Variants in PRDM5 observed in about 807,000 individuals in gnomAD.
The protein encoded by PRDM5 is PR domain zinc finger protein 5.
In PRDM5, 56 loss-of-function variants were observed where a neutral mutation model predicts 81.2. That is an observed-to-expected ratio of 0.69 (90% CI 0.56 to 0.86). PRDM5 has a LOEUF of 0.86. Among genes scored for constraint, PRDM5 ranks in the 40% least tolerant of loss-of-function variants. PRDM5 has a pLI of 0.00. For missense variants in PRDM5, 697 were observed against 770.1 expected, an observed-to-expected ratio of 0.91 and a Z score of 1.12; for synonymous variants, 267 against 256.4, an observed-to-expected ratio of 1.04 and a Z score of -0.39.
At position 120,830,285 on chromosome 4, in the gene PRDM5, G is replaced by C. The variant is rs546584595; in HGVS notation, c.301-8940C>G. Among the ~76,000 whole-genome samples the C allele has an allele frequency of 2.6e-5, 4 of 152,126 alleles. No homozygotes were observed. In the South Asian group the frequency reaches 8.3e-4, roughly 32 times the overall value. On this transcript the variant is annotated intron_variant, in intron 3 of 15. Transcript: ENST00000264808. ...TTTGGCCGGGTGACTTGCACTAACC[G>C]ATGAAATGTGAACAGAAGCAAAGTG...
intron 14 of PRDM5, among the ~76,000 whole-genome samples, chr4:120,728,542 G>A (rs114261472): frequency 0.032 from 4,831 of 152,012 alleles, 260 homozygotes; most frequent in African/African-American, 0.11. Context: ...AAAAAGACTC[G>A]TCAATTTTTT....
chr4:120,843,340 A>G (rs779332605), intron 3 of PRDM5, among the ~76,000 whole-genome samples: 20 of 152,010 alleles, frequency 1.3e-4, no homozygotes, highest in Non-Finnish European at 2.8e-4. Context: ...CTGTCTCAAG[A>G]TTAATTAATT....
chr4:120,830,827 A>T (rs1210912489), intron 3 of PRDM5, among the ~76,000 whole-genome samples: 2 of 151,864 alleles, frequency 1.3e-5, no homozygotes, highest in Non-Finnish European at 2.9e-5. Flanking sequence ...CTAAAAACAG[A>T]ATACTATATT....
At chr4:120,747,497 C>G (rs1561073058) in intron 14 of PRDM5, among the ~76,000 whole-genome samples, 2 of 150,628 alleles carry the variant, frequency 1.3e-5, no homozygotes, top group Non-Finnish European at 3.0e-5. Context: ...TTTTCAAATC[C>G]TACATCAATA....
Position 120,813,685 on chromosome 4 carries a change from T to C in PRDM5, c.866-2236A>G, listed in dbSNP as rs1335495483. ...GGCAAAATGAATATCTGATAGCATATATTTGGTCATCAATTTCCTAAACAT... is the reference window on the plus strand; with the variant it reads ...GGCAAAATGAATATCTGATAGCATACATTTGGTCATCAATTTCCTAAACAT... On this transcript the variant is annotated intron_variant, in intron 7 of 15. Coordinates refer to ENST00000264808, the MANE Select transcript of PRDM5 (RefSeq NM_018699.4). Among the ~76,000 whole-genome samples the C allele has an allele frequency of 4.6e-5, 7 of 152,178 alleles. No homozygotes were observed. The East Asian group carries it at 1.3e-3, about 29-fold the overall frequency.
intron 2 of PRDM5, among the ~76,000 whole-genome samples, chr4:120,904,213 A>AAAAAAAAAAAT (rs1765542311): frequency 6.8e-6 from 1 of 147,094 alleles, no homozygotes; most frequent in African/African-American, 2.5e-5. Flanking sequence ...AAACAAAAAA[A>AAAAAAAAAAAT]CCTCCTTCCT....
chr4:120,688,474 A>G (rs184781899), downstream of PRDM5, among the ~76,000 whole-genome samples: 14 of 152,134 alleles, frequency 9.2e-5, no homozygotes, highest in East Asian at 2.7e-3. Context: ...GAAGTTTTTA[A>G]GTTTGATGTA....
chr4:120,875,934 A>T (rs559717088), intron 2 of PRDM5, among the ~76,000 whole-genome samples: 8 of 152,208 alleles, frequency 5.3e-5, no homozygotes. Flanking sequence ...AAAAGTGTAT[A>T]GAGTTTGTTC....
At chr4:120,811,135 G>C (rs1578834167) in intron 8 of PRDM5, among the ~76,000 whole-genome samples, 1 of 151,822 alleles carries the variant, frequency 6.6e-6, no homozygotes, top group Non-Finnish European at 1.5e-5. Flanking sequence ...ATAAAATATA[G>C]TATGAATATA....
chr4:120,697,150 C>T (rs1734616749), intron 15 of PRDM5, among the ~76,000 whole-genome samples: 1 of 152,112 alleles, frequency 6.6e-6, no homozygotes, highest in Admixed American at 6.6e-5. Context: ...AAAATGCAAA[C>T]ACACGCATAC....
At chr4:120,701,272 T>C (rs146342138) in intron 15 of PRDM5, among the ~76,000 whole-genome samples, 2 of 152,252 alleles carry the variant, frequency 1.3e-5, no homozygotes, top group Non-Finnish European at 2.9e-5. Flanking sequence ...GTCTGGAGAT[T>C]TCTAAAAGAA....
chr4:120,866,331 A>G (rs1247396322), intron 2 of PRDM5, among the ~76,000 whole-genome samples: 1 of 152,226 alleles, frequency 6.6e-6, no homozygotes, highest in Non-Finnish European at 1.5e-5. Flanking sequence ...TTCCATAAGG[A>G]TGAAAGATTC....
chr4:120,720,500 A>G (rs1738448389), intron 14 of PRDM5, among the ~76,000 whole-genome samples: 1 of 152,176 alleles, frequency 6.6e-6, no homozygotes, highest in Non-Finnish European at 1.5e-5. Flanking sequence ...ATGGGTTTCT[A>G]TTACACACAG....
intron 9 of PRDM5, 147 bp downstream of exon 9, chr4:120,799,514 A>C: frequency 7.8e-7 from 1 of 1,279,512 alleles, no homozygotes; most frequent in Non-Finnish European, 1.1e-6. Context: ...AGAATTAAAT[A>C]ACTTGTTCAG....
At position 120,821,154 on chromosome 4, in the gene PRDM5, A is replaced by G; in HGVS notation, c.475+17T>C. On this transcript the variant is annotated intron_variant, in intron 4 of 15. Coordinates refer to ENST00000264808, the MANE Select transcript of PRDM5 (RefSeq NM_018699.4). ...ACAACTTTTCTTCTCCCAGATCACC[A>G]ATTAAAGATGCAATACCTTTTCTGC... 1 of 1,612,412 alleles carries G rather than the reference A, an allele frequency of 6.2e-7. No individual in the cohort carries two copies. Among genetic ancestry groups the G allele is most frequent in the Middle Eastern group, 1.7e-4 (1 of 6,060 alleles).
chr4:120,711,082 C>T (rs771759910), intron 14 of PRDM5, among the ~76,000 whole-genome samples: 1 of 152,090 alleles, frequency 6.6e-6, no homozygotes, highest in Non-Finnish European at 1.5e-5. Context: ...GATGTAACTG[C>T]TTAACACTTC....
chr4:120,799,688 G>A lies in PRDM5; in HGVS notation c.1003C>T (p.Leu335=). 1.2e-6 allele frequency: 2 copies of A among 1,612,804 alleles called. No homozygotes were observed. The highest frequency in any genetic ancestry group is 1.1e-5 in the South Asian group (1 of 90,992). ...GAGTGGGTGATCATATGACGTTTTA[G>A]CTGATTAGCTGAAATAAATTTCTTC... is the stretch of plus-strand genomic sequence containing the variant. ...CMKKFISANQ[L]KRHMITHSEK... is the part of the protein sequence containing the mutation. Residue 335 remains leucine (L), a synonymous_variant, in exon 9 of 16, where the codon CTA becomes TTA. Transcript: ENST00000264808.
chr4:120,766,248 C>T lies in PRDM5; in HGVS notation c.1537+10940G>A, dbSNP rs186372427. Among the ~76,000 whole-genome samples, 359 of 152,282 alleles carry T rather than the reference C, an allele frequency of 2.4e-3. 1 individual carries two copies. The highest frequency in any genetic ancestry group is 8.3e-3 in the African/African-American group (347 of 41,570). On this transcript the variant is annotated intron_variant, in intron 13 of 15. Coordinates refer to ENST00000264808, the MANE Select transcript of PRDM5 (RefSeq NM_018699.4). ...TGCTGGGATTACAGGCATGAGCCAC[C>T]ACACCCAGCTGGGACTATTATTATT... is the stretch of plus-strand genomic sequence containing the variant.
chr4:120,741,485 C>T (rs140091860), intron 14 of PRDM5, among the ~76,000 whole-genome samples: 235 of 151,580 alleles, frequency 1.6e-3, no homozygotes, highest in Middle Eastern at 6.8e-3. Context: ...ACGCAGAAGA[C>T]GGGTGATTAC....
Sources: allele counts gnomAD v4.1 joint callset (sites outside exome capture counted in the v4.1 genomes callset), GRCh38; gene constraint gnomAD v4.1.1; transcripts MANE v1.5; gene names NCBI Gene and HGNC (gene_info 2026-07-23, HGNC 2026-07-21).